The following CBFB variants were observed in gnomAD, a reference collection of about 807,000 sequenced individuals.
CBFB encodes the protein core-binding factor subunit beta, also known as CBF-beta.
Under a neutral mutation model 30.4 loss-of-function variants are expected in CBFB, and 9 were observed. That is an observed-to-expected ratio of 0.30 (90% confidence interval 0.18 to 0.52). CBFB has a LOEUF of 0.52. CBFB is among the 20% of genes least tolerant of loss of function. The pLI is 0.97. For synonymous variants in CBFB, 94 were observed against 84.0 expected, an observed-to-expected ratio of 1.12 and a Z score of -0.65; for missense variants, 170 against 244.0, an observed-to-expected ratio of 0.70 and a Z score of 2.02.
At chr16:67,094,627 A>G (rs2145786011) in intron 5 of CBFB, among the ~76,000 whole-genome samples, 1 of 152,254 alleles carries the variant, frequency 6.6e-6, no homozygotes, top group South Asian at 2.1e-4. Flanking sequence ...TATAATTAGG[A>G]TTTATTTTTC....
intron 3 of CBFB, among the ~76,000 whole-genome samples, chr16:67,045,630 G>A (rs1247420958): frequency 6.6e-6 from 1 of 152,122 alleles, no homozygotes; most frequent in African/African-American, 2.4e-5. Context: ...AGATTGTGAA[G>A]TCCCGTTTTC....
Position 67,074,833 on chromosome 16 carries a change from G to A in CBFB, c.400-7380G>A, listed in dbSNP as rs192745921. On this transcript the variant is annotated intron_variant, in intron 4 of 5. Transcript: ENST00000412916. Reference sequence around the variant, plus strand: ...ACCAAGAACTGTTTATCAAAAGACAGTATTAAGAGAATGTAAAGGCAACCT... The same window carrying A: ...ACCAAGAACTGTTTATCAAAAGACAATATTAAGAGAATGTAAAGGCAACCT... Among the ~76,000 whole-genome samples the A allele has an allele frequency of 2.0e-5, 3 of 152,246 alleles. No individual in the cohort carries two copies. In the East Asian group the frequency reaches 5.8e-4, roughly 29 times the overall value.
At chr16:67,084,165 C>CAAAA (rs368748767) in intron 5 of CBFB, among the ~76,000 whole-genome samples, 23 of 54,280 alleles carry the variant, frequency 4.2e-4, no homozygotes, top group Admixed American at 1.7e-3. Context: ...GACCCTACCT[C>CAAAA]AAAAAAAAAA....
intron 2 of CBFB, among the ~76,000 whole-genome samples, chr16:67,030,753 C>G (rs2145704610): frequency 6.6e-6 from 1 of 152,240 alleles, no homozygotes; most frequent in Middle Eastern, 3.4e-3. Context: ...GTGCCTGCCA[C>G]CACGCCCGGC....
chr16:67,060,744 G>A (rs988907281), intron 3 of CBFB, among the ~76,000 whole-genome samples: 2 of 152,032 alleles, frequency 1.3e-5, no homozygotes, highest in African/African-American at 4.8e-5. Context: ...TAGTAGAGAC[G>A]GGGTTTCTCC....
At chr16:67,044,404 A>G (rs1388726385) in intron 3 of CBFB, among the ~76,000 whole-genome samples, 1 of 152,158 alleles carries the variant, frequency 6.6e-6, no homozygotes, top group Non-Finnish European at 1.5e-5. Context: ...TGGTTGTTAC[A>G]TTCTTGTTTA....
chr16:67,045,442 G>A lies in CBFB; in HGVS notation c.282+8687G>A, dbSNP rs775559743. ...TGAGGCAGGAGAATTGCTTGAACCC[G>A]GGAGGCGGAGGTTGCAGTGGGCTGA... On this transcript the variant is annotated intron_variant, in intron 3 of 5. Transcript: ENST00000412916. Among the ~76,000 whole-genome samples the A allele has an allele frequency of 4.6e-5, 7 of 152,018 alleles. No individual in the cohort carries two copies. In the East Asian group the frequency reaches 5.8e-4, roughly 13 times the overall value.
intron 3 of CBFB, among the ~76,000 whole-genome samples, chr16:67,046,806 T>C (rs561404341): frequency 1.8e-4 from 27 of 152,330 alleles, no homozygotes; most frequent in Non-Finnish European, 2.8e-4. Flanking sequence ...CTTTGTTTCT[T>C]CAATATTATT....
At position 67,041,961 on chromosome 16, in the gene CBFB, A is replaced by T. The variant is rs549357955; in HGVS notation, c.282+5206A>T. Among the ~76,000 whole-genome samples, 4 of 148,572 alleles carry T rather than the reference A, an allele frequency of 2.7e-5. No homozygotes were observed. The East Asian group carries it at 7.9e-4, about 29-fold the overall frequency. ...TCTTATTCTGTTGCCAGGCTGGAGT[A>T]CAGTGGCGCCGTCATGGCTCACTGC... On this transcript the variant is annotated intron_variant, in intron 3 of 5. Transcript: ENST00000412916.
At chr16:67,057,493 C>G (rs1229747496) in intron 3 of CBFB, among the ~76,000 whole-genome samples, 1 of 152,148 alleles carries the variant, frequency 6.6e-6, no homozygotes, top group Non-Finnish European at 1.5e-5. Flanking sequence ...AAGGAAAATG[C>G]ACCCTTATTC....
chr16:67,050,500 T>TTA (rs1489609543), intron 3 of CBFB, among the ~76,000 whole-genome samples: 1 of 151,990 alleles, frequency 6.6e-6, no homozygotes, highest in African/African-American at 2.4e-5. Context: ...TAACTAATAA[T>TTA]AAAGTAGAAC....
chr16:67,051,764 T>C (rs1330818850), intron 3 of CBFB, among the ~76,000 whole-genome samples: 2 of 151,592 alleles, frequency 1.3e-5, no homozygotes, highest in Admixed American at 1.3e-4. Flanking sequence ...TTTTTTTTTT[T>C]CTGAGTTGGA....
intron 3 of CBFB, among the ~76,000 whole-genome samples, chr16:67,052,024 G>A (rs984389141): frequency 7.3e-5 from 11 of 151,678 alleles, no homozygotes; most frequent in Non-Finnish European, 1.0e-4. Flanking sequence ...CTGGAGTGCC[G>A]TGACACGATC....
At chr16:67,030,009 C>T in intron 2 of CBFB, 196 bp downstream of exon 2, 1 of 465,376 alleles carries the variant, frequency 2.1e-6, no homozygotes, top group Non-Finnish European at 3.7e-6. Context: ...TTTCCTGGGG[C>T]TCGCCGCGGT....
chr16:67,083,630 T>C (rs1961633362), intron 5 of CBFB, among the ~76,000 whole-genome samples: 1 of 152,194 alleles, frequency 6.6e-6, no homozygotes, highest in Non-Finnish European at 1.5e-5. Flanking sequence ...AATTTATGTC[T>C]TGTGTTTCTT....
intron 4 of CBFB, 67 bp from the exon 5 acceptor site, chr16:67,082,145 AC>A (rs374200224): frequency 3.5e-4 from 458 of 1,305,806 alleles, no homozygotes; most frequent in South Asian, 8.0e-4. Context: ...AAAAAAAAAA[AC>A]AAAACCCAAA....
chr16:67,092,295 AATG>A (rs1961909300), intron 5 of CBFB, among the ~76,000 whole-genome samples: 1 of 152,076 alleles, frequency 6.6e-6, no homozygotes, highest in South Asian at 2.1e-4. Context: ...TAACCTTTTT[AATG>A]AGTTTGGGGA....
intron 3 of CBFB, among the ~76,000 whole-genome samples, chr16:67,064,107 A>G (rs750310666): frequency 6.6e-6 from 1 of 152,258 alleles, no homozygotes; most frequent in African/African-American, 2.4e-5. Flanking sequence ...CTTCCTCTGC[A>G]TTAAAAATAC....
At chr16:67,066,457 G>A (rs926222210) in intron 3 of CBFB, among the ~76,000 whole-genome samples, 11 of 150,840 alleles carry the variant, frequency 7.3e-5, no homozygotes, top group Middle Eastern at 3.2e-3. Context: ...CTACTGGGGA[G>A]TCCGAGGTGG....
Sources: allele counts gnomAD v4.1 joint callset (sites outside exome capture counted in the v4.1 genomes callset), GRCh38; gene constraint gnomAD v4.1.1; transcripts MANE v1.5; gene names NCBI Gene and HGNC (gene_info 2026-07-23, HGNC 2026-07-21).